ZNF385D: variants seen among roughly 807,000 people sequenced by gnomAD.
ZNF385D encodes zinc finger protein 385D, also known as zinc finger protein 659.
In ZNF385D, 15 loss-of-function variants were observed where a neutral mutation model predicts 35.8. The observed-to-expected ratio is 0.42, with a 90% CI of 0.28 to 0.64. ZNF385D has a LOEUF of 0.64. ZNF385D is among the 30% of genes least tolerant of loss of function. The pLI is 0.23. For synonymous variants in ZNF385D, 212 were observed against 186.8 expected (o/e 1.13, Z -1.10); for missense variants, 474 against 494.6 (o/e 0.96, Z 0.39).
intron 3 of ZNF385D, among the ~76,000 whole-genome samples, chr3:22,145,010 ATGTG>A (rs36060381): frequency 0.015 from 2,263 of 148,858 alleles, 23 homozygotes; most frequent in South Asian, 0.024. Context: ...GAAGATACAT[ATGTG>A]TGTGTGTGTG....
intron 2 of ZNF385D, among the ~76,000 whole-genome samples, chr3:22,352,049 A>T (rs1027160197): frequency 6.6e-6 from 1 of 152,212 alleles, no homozygotes; most frequent in Non-Finnish European, 1.5e-5. Flanking sequence ...AGCCAGCCAC[A>T]AACCTTTACA....
At chr3:21,715,707 C>G (rs1002292193) in intron 1 of ZNF385D, among the ~76,000 whole-genome samples, 5 of 152,050 alleles carry the variant, frequency 3.3e-5, no homozygotes, top group African/African-American at 9.7e-5. Flanking sequence ...ATCCTTATAA[C>G]TCACCAAATT....
At chr3:21,978,513 T>C (rs530700965) in intron 3 of ZNF385D, among the ~76,000 whole-genome samples, 56 of 152,338 alleles carry the variant, frequency 3.7e-4, no homozygotes, top group African/African-American at 9.9e-4. Flanking sequence ...GTGACTTAAG[T>C]TATTGCTAAA....
intron 2 of ZNF385D, among the ~76,000 whole-genome samples, chr3:22,289,425 G>T (rs1702185407): frequency 6.6e-6 from 1 of 152,066 alleles, no homozygotes; most frequent in Non-Finnish European, 1.5e-5. Flanking sequence ...CAGGAAAAAA[G>T]GTTCAAGAAG....
intron 1 of ZNF385D, among the ~76,000 whole-genome samples, chr3:21,750,683 T>C (rs2070029955): frequency 1.3e-5 from 2 of 151,538 alleles, no homozygotes; most frequent in Admixed American, 1.3e-4. Context: ...CTCTTTTCTT[T>C]TCCAACTTAA....
At chr3:22,075,659 T>C (rs1205686142) in intron 3 of ZNF385D, among the ~76,000 whole-genome samples, 1 of 151,950 alleles carries the variant, frequency 6.6e-6, no homozygotes, top group Non-Finnish European at 1.5e-5. Flanking sequence ...TTGAGTTCTC[T>C]TTTCTTTCTT....
chr3:21,786,856 A>T (rs944736044), intron 3 of ZNF385D, among the ~76,000 whole-genome samples: 1 of 152,192 alleles, frequency 6.6e-6, no homozygotes, highest in African/African-American at 2.4e-5. Flanking sequence ...TAAGTGTCCA[A>T]ATATACTTTC....
intron 3 of ZNF385D, among the ~76,000 whole-genome samples, chr3:21,924,458 A>G (rs13092149): frequency 0.53 from 81,209 of 152,012 alleles, 23,786 homozygotes; most frequent in South Asian, 0.66. Context: ...GCAACCTAGT[A>G]TCACAGAAAA....
chr3:22,127,316 G>GTTTTTTTTTTTTT (rs1559389409), intron 3 of ZNF385D, among the ~76,000 whole-genome samples: 1 of 76,050 alleles, frequency 1.3e-5, no homozygotes, highest in African/African-American at 5.4e-5. Context: ...TTCATTTCCT[G>GTTTTTTTTTTTTT]CTTTTTTTTT....
chr3:22,076,083 T>C (rs1266326079), intron 3 of ZNF385D, among the ~76,000 whole-genome samples: 2 of 151,916 alleles, frequency 1.3e-5, no homozygotes, highest in Admixed American at 1.3e-4. Context: ...TTTTTTTACG[T>C]AGACTATCAC....
At chr3:22,258,698 C>G (rs1187056389) in intron 2 of ZNF385D, among the ~76,000 whole-genome samples, 1 of 151,460 alleles carries the variant, frequency 6.6e-6, no homozygotes, top group Non-Finnish European at 1.5e-5. Context: ...ATATCTATTG[C>G]TATTTGCCAC....
chr3:21,667,384 A>C (rs1472329878), intron 1 of ZNF385D, among the ~76,000 whole-genome samples: 1 of 151,502 alleles, frequency 6.6e-6, no homozygotes, highest in Non-Finnish European at 1.5e-5. Flanking sequence ...CTGGTCTCAA[A>C]CTCCTGAGCT....
chr3:22,187,100 A>G (rs966719029), intron 2 of ZNF385D, among the ~76,000 whole-genome samples: 1 of 152,144 alleles, frequency 6.6e-6, no homozygotes, highest in Admixed American at 6.6e-5. Context: ...AGATCACACA[A>G]TCTAACATCT....
chr3:21,558,352 G>T (rs1449525831), intron 3 of ZNF385D, among the ~76,000 whole-genome samples: 1 of 152,110 alleles, frequency 6.6e-6, no homozygotes, highest in Non-Finnish European at 1.5e-5. Context: ...CTGGTACATT[G>T]TGTCTTTTTT....
At chr3:21,740,925 C>T (rs529251416) in intron 1 of ZNF385D, among the ~76,000 whole-genome samples, 4 of 152,154 alleles carry the variant, frequency 2.6e-5, no homozygotes, top group Admixed American at 6.5e-5. Flanking sequence ...ACCGGGATAG[C>T]GCTTTGACAT....
intron 2 of ZNF385D, among the ~76,000 whole-genome samples, chr3:22,258,279 G>A (rs1700418411): frequency 6.6e-6 from 1 of 151,708 alleles, no homozygotes; most frequent in Non-Finnish European, 1.5e-5. Flanking sequence ...TCAAAGAGAG[G>A]AAGACATAAA....
Position 22,124,627 on chromosome 3 carries a change from G to C in ZNF385D, c.325+44190C>G, listed in dbSNP as rs114399061. Among the ~76,000 whole-genome samples, 231 of 152,180 alleles carry C rather than the reference G, an allele frequency of 1.5e-3. 1 individual carries two copies. Among genetic ancestry groups the C allele is most frequent in the African/African-American group, 5.3e-3 (220 of 41,534 alleles). On this transcript the variant is annotated intron_variant, in intron 3 of 5. Coordinates refer to the ZNF385D transcript ENST00000494108. ...GATAAAAGCATTTTAAATAGGGTGAGGTAATATATCGCTGTAGTTTGGATT... is the reference window on the plus strand; with the variant it reads ...GATAAAAGCATTTTAAATAGGGTGACGTAATATATCGCTGTAGTTTGGATT...
At chr3:21,709,773 T>C (rs1226994285) in intron 1 of ZNF385D, among the ~76,000 whole-genome samples, 1 of 152,194 alleles carries the variant, frequency 6.6e-6, no homozygotes. Context: ...ATACACTTAA[T>C]ATATGACTCA....
intron 4 of ZNF385D, among the ~76,000 whole-genome samples, chr3:21,505,517 T>C (rs570633844): frequency 6.6e-6 from 1 of 152,292 alleles, no homozygotes; most frequent in South Asian, 2.1e-4. Context: ...TTCTTTTCTC[T>C]AGCAGCTAAA....
Sources: allele counts gnomAD v4.1 joint callset (sites outside exome capture counted in the v4.1 genomes callset), GRCh38; gene constraint gnomAD v4.1.1; transcripts MANE v1.5; gene names NCBI Gene and HGNC (gene_info 2026-07-23, HGNC 2026-07-21).